ERC2: variants seen among roughly 807,000 people sequenced by gnomAD.
ERC2 encodes ELKS/RAB6-interacting/CAST family member 2.
ERC2 carries 42 observed loss-of-function variants against 114.8 expected under a neutral mutation model. That is an observed-to-expected ratio of 0.37 (90% CI 0.29 to 0.47). ERC2 has a LOEUF of 0.47. Ranked by LOEUF, ERC2 falls within the 20% of genes least tolerant of loss-of-function variation. The pLI, the probability that ERC2 is intolerant of heterozygous loss-of-function variation, is 0.99. For synonymous variants in ERC2, 454 were observed against 425.5 expected (o/e 1.07, Z -0.82); for missense variants, 939 against 1,150.7 (o/e 0.82, Z 2.66).
At chr3:55,570,528 C>T (rs2056645239) in intron 17 of ERC2, among the ~76,000 whole-genome samples, 1 of 152,082 alleles carries the variant, frequency 6.6e-6, no homozygotes, top group Non-Finnish European at 1.5e-5. Context: ...GGAGCTGCAG[C>T]CGGATGATGC....
At chr3:55,537,867 A>C (rs1688179732) in intron 17 of ERC2, among the ~76,000 whole-genome samples, 1 of 152,236 alleles carries the variant, frequency 6.6e-6, no homozygotes, top group Admixed American at 6.5e-5. Flanking sequence ...AAATGGACCA[A>C]AGGGCTTCTG....
chr3:56,334,658 A>C (rs571149504), intron 2 of ERC2, among the ~76,000 whole-genome samples: 1 of 152,342 alleles, frequency 6.6e-6, no homozygotes, highest in Admixed American at 6.5e-5. Context: ...ATGCCTGATA[A>C]ACTTACTTAT....
At chr3:55,768,970 C>T (rs1243735352) in intron 14 of ERC2, among the ~76,000 whole-genome samples, 2 of 152,118 alleles carry the variant, frequency 1.3e-5, no homozygotes, top group Admixed American at 6.5e-5. Context: ...AAAATCAGTA[C>T]CACAGTGTCC....
intron 6 of ERC2, among the ~76,000 whole-genome samples, chr3:56,097,271 A>G (rs2078112471): frequency 6.6e-6 from 1 of 152,198 alleles, no homozygotes; most frequent in African/African-American, 2.4e-5. Flanking sequence ...GACAATCACT[A>G]TAAAAACTAA....
intron 17 of ERC2, among the ~76,000 whole-genome samples, chr3:55,634,525 G>A (rs2059882517): frequency 6.6e-6 from 1 of 152,176 alleles, no homozygotes; most frequent in Non-Finnish European, 1.5e-5. Flanking sequence ...CATTCTTCCA[G>A]AGGAATGAAT....
At chr3:56,134,924 T>TTTTTTG (rs202091525) in intron 6 of ERC2, among the ~76,000 whole-genome samples, 133 of 149,124 alleles carry the variant, frequency 8.9e-4, no homozygotes, top group Middle Eastern at 3.4e-3. Flanking sequence ...TTTTTTGTTT[T>TTTTTTG]TTTTTGTTTT....
At chr3:56,045,335 T>A (rs9311593) in intron 7 of ERC2, among the ~76,000 whole-genome samples, 1 of 152,276 alleles carries the variant, frequency 6.6e-6, no homozygotes, top group East Asian at 1.9e-4. Flanking sequence ...AAGCATGACC[T>A]GTGGGAAGAT....
intron 3 of ERC2, among the ~76,000 whole-genome samples, chr3:56,187,007 A>C (rs1326561594): frequency 6.6e-6 from 1 of 152,170 alleles, no homozygotes; most frequent in Non-Finnish European, 1.5e-5. Context: ...GAAAGCTTTA[A>C]GGGAGGGAAA....
At chr3:56,032,957 A>AAG (rs1470573794) in intron 7 of ERC2, among the ~76,000 whole-genome samples, 190 of 48,356 alleles carry the variant, frequency 3.9e-3, no homozygotes, top group African/African-American at 9.0e-3. Flanking sequence ...GAAAGAAAGA[A>AAG]ACAGAAAGAA....
intron 13 of ERC2, among the ~76,000 whole-genome samples, chr3:55,907,642 A>G (rs765184706): frequency 5.3e-5 from 8 of 152,186 alleles, no homozygotes; most frequent in Non-Finnish European, 1.2e-4. Flanking sequence ...AGTATAAAAC[A>G]TGAGGAAACA....
chr3:56,457,103 A>G (rs1027061913), intron 1 of ERC2, among the ~76,000 whole-genome samples: 1 of 152,232 alleles, frequency 6.6e-6, no homozygotes, highest in African/African-American at 2.4e-5. Context: ...TACACTATGA[A>G]TTACTTCAAG....
At chr3:55,777,538 C>G (rs563622738) in intron 14 of ERC2, among the ~76,000 whole-genome samples, 2 of 152,292 alleles carry the variant, frequency 1.3e-5, no homozygotes, top group African/African-American at 4.8e-5. Context: ...TGTCAGCCTC[C>G]AGCTCCATTA....
intron 14 of ERC2, among the ~76,000 whole-genome samples, chr3:55,800,193 T>C (rs1323279975): frequency 6.6e-6 from 1 of 152,028 alleles, no homozygotes; most frequent in Non-Finnish European, 1.5e-5. Context: ...CAGGCTGGAG[T>C]GCAATGGCGT....
intron 12 of ERC2, among the ~76,000 whole-genome samples, chr3:55,952,591 GT>G (rs2067657463): frequency 6.6e-6 from 1 of 152,160 alleles, no homozygotes; most frequent in Admixed American, 6.6e-5. Context: ...GTAACAGGAT[GT>G]TATGGAGAGG....
intron 1 of ERC2, among the ~76,000 whole-genome samples, chr3:56,461,746 C>T (rs753555658): frequency 3.3e-5 from 5 of 152,184 alleles, no homozygotes; most frequent in Non-Finnish European, 7.3e-5. Context: ...AACATAAAGA[C>T]ACTTCATACA....
intron 3 of ERC2, among the ~76,000 whole-genome samples, chr3:56,235,010 A>C (rs1304840115): frequency 6.6e-6 from 1 of 152,228 alleles, no homozygotes; most frequent in Non-Finnish European, 1.5e-5. Flanking sequence ...AAGTATTAGC[A>C]GCAACAGCAT....
chr3:56,414,243 G>C (rs932623463), intron 2 of ERC2, among the ~76,000 whole-genome samples: 1 of 152,076 alleles, frequency 6.6e-6, no homozygotes, highest in Admixed American at 6.6e-5. Context: ...TGTTCCACTC[G>C]AGGCCAGGCA....
At chr3:55,973,107 G>C (rs371505876) in intron 12 of ERC2, among the ~76,000 whole-genome samples, 1 of 152,146 alleles carries the variant, frequency 6.6e-6, no homozygotes, top group African/African-American at 2.4e-5. Context: ...GAGGGAACAG[G>C]GGCCTCCAGA....
At chr3:56,271,479 TATAAG>T (rs766710296) in intron 3 of ERC2, among the ~76,000 whole-genome samples, 83 of 152,256 alleles carry the variant, frequency 5.5e-4, no homozygotes, top group Admixed American at 1.6e-3. Context: ...TTTCTACAGC[TATAAG>T]ATAGAGATAA....
Sources: gnomAD v4.1 joint callset for allele counts (sites outside exome capture counted in the v4.1 genomes callset) on GRCh38, gnomAD v4.1.1 for gene constraint, MANE v1.5 for transcripts, NCBI Gene and HGNC (gene_info 2026-07-23, HGNC 2026-07-21) for gene names.